CBFA2T2: variants seen among roughly 807,000 people sequenced by gnomAD.
The protein encoded by CBFA2T2 is protein CBFA2T2.
In CBFA2T2, 11 loss-of-function variants were observed where a neutral mutation model predicts 62.2. The observed-to-expected ratio is 0.18, with a 90% CI of 0.11 to 0.29. CBFA2T2 has a LOEUF of 0.29. Among genes scored for constraint, CBFA2T2 ranks in the 10% least tolerant of loss-of-function variants. CBFA2T2 has a pLI of 1.00. For synonymous variants in CBFA2T2, 295 were observed against 287.5 expected (o/e 1.03, Z -0.27); for missense variants, 592 against 774.1 (o/e 0.76, Z 2.79).
intron 8 of CBFA2T2, 97 bp downstream of exon 8, chr20:33,630,011 G>A: frequency 1.9e-6 from 2 of 1,077,400 alleles, no homozygotes; most frequent in Non-Finnish European, 2.6e-6. Context: ...TTTAAAGAAA[G>A]GTGGTACTCA....
At chr20:33,640,271 C>G (rs1418207736) in intron 9 of CBFA2T2, 70 bp from the exon 10 acceptor site, 1 of 1,404,708 alleles carries the variant, frequency 7.1e-7, no homozygotes, top group Non-Finnish European at 9.8e-7. Context: ...TCTCTCCTTA[C>G]TTAGAATTGC....
intron 1 of CBFA2T2, among the ~76,000 whole-genome samples, chr20:33,566,356 A>G (rs1229435070): frequency 6.6e-6 from 1 of 152,194 alleles, no homozygotes; most frequent in African/African-American, 2.4e-5. Flanking sequence ...CTGTAATCCC[A>G]GCACTTTGGG....
intron 1 of CBFA2T2, among the ~76,000 whole-genome samples, chr20:33,596,022 C>T (rs1433584119): frequency 6.6e-6 from 1 of 152,182 alleles, no homozygotes; most frequent in South Asian, 2.1e-4. Flanking sequence ...TCCACAATAG[C>T]CTACCTTTGA....
At chr20:33,609,710 T>C (rs1373187289) in intron 2 of CBFA2T2, among the ~76,000 whole-genome samples, 1 of 152,162 alleles carries the variant, frequency 6.6e-6, no homozygotes, top group African/African-American at 2.4e-5. Context: ...ACAGAGATGG[T>C]TAACTGACTG....
intron 1 of CBFA2T2, among the ~76,000 whole-genome samples, chr20:33,529,774 TA>T (rs2011999786): frequency 7.1e-6 from 1 of 141,310 alleles, no homozygotes; most frequent in Non-Finnish European, 1.5e-5. Flanking sequence ...TATATATATA[TA>T]TATATATTTC....
intron 1 of CBFA2T2, among the ~76,000 whole-genome samples, chr20:33,556,667 T>C (rs1233752191): frequency 2.6e-5 from 4 of 152,136 alleles, no homozygotes; most frequent in Admixed American, 6.5e-5. Flanking sequence ...ACTCCTGGCC[T>C]AAAGTGATTG....
chr20:33,636,990 T>G (rs1037794625), intron 9 of CBFA2T2, among the ~76,000 whole-genome samples: 1 of 152,218 alleles, frequency 6.6e-6, no homozygotes, highest in Non-Finnish European at 1.5e-5. Context: ...TGACATGTCC[T>G]GTTTCTGGGC....
At chr20:33,550,426 C>G (rs929295306) in intron 1 of CBFA2T2, among the ~76,000 whole-genome samples, 1 of 152,122 alleles carries the variant, frequency 6.6e-6, no homozygotes, top group African/African-American at 2.4e-5. Flanking sequence ...TGGATTCTTT[C>G]TAAGCTAATG....
chr20:33,621,398 G>C (rs536203456), intron 4 of CBFA2T2, among the ~76,000 whole-genome samples: 21 of 144,096 alleles, frequency 1.5e-4, no homozygotes, highest in African/African-American at 5.4e-4. Flanking sequence ...CCGAGTTCAA[G>C]CGATTCTTCT....
At chr20:33,559,372 C>T (rs2013017220) in intron 1 of CBFA2T2, among the ~76,000 whole-genome samples, 1 of 151,946 alleles carries the variant, frequency 6.6e-6, no homozygotes, top group Non-Finnish European at 1.5e-5. Context: ...GAGAGTTTCA[C>T]TATCTTGGCC....
chr20:33,572,674 A>G (rs1489635549), intron 1 of CBFA2T2, among the ~76,000 whole-genome samples: 7 of 152,212 alleles, frequency 4.6e-5, no homozygotes, highest in Non-Finnish European at 7.3e-5. Flanking sequence ...TGGCCGATGT[A>G]GATATAATGT....
intron 1 of CBFA2T2, among the ~76,000 whole-genome samples, chr20:33,520,970 TCACACA>T (rs143080667): frequency 1.3e-4 from 18 of 137,024 alleles, no homozygotes; most frequent in African/African-American, 2.4e-4. Flanking sequence ...TCACCTGCCA[TCACACA>T]CACACACACA....
chr20:33,644,692 G>A lies in CBFA2T2; in HGVS notation c.*46G>A, dbSNP rs147155809. ...TGATGGCTGCTCAGCACCACAGAGT[G>A]CTTGGGCTGAGGGACTGACTGTTGG... is the stretch of plus-strand genomic sequence containing the variant. On this transcript the variant is annotated 3_prime_UTR_variant, in exon 11 of 11. Transcript: ENST00000342704. 6.1e-4 allele frequency: 938 copies of A among 1,540,816 alleles called. 7 individuals are homozygous for A. The African/African-American group carries it at 0.011, about 19-fold the overall frequency.
Position 33,575,708 on chromosome 20 carries a change from CACAG to C in CBFA2T2, c.35-31239_35-31236del, listed in dbSNP as rs776884072. ...ATAAGAGTGAAGAGCTCAAGGAACT[CACAG>C]ACAGACAGGCACAGAAACAAATCAC... On this transcript the variant is annotated intron_variant, in intron 1 of 10. Transcript: ENST00000342704. 1.1e-4 allele frequency among the ~76,000 whole-genome samples: 17 copies of C among 152,176 alleles called. No homozygotes were observed. The East Asian group carries it at 1.5e-3, about 14-fold the overall frequency.
chr20:33,624,335 T>TA (rs2016131666), intron 5 of CBFA2T2, among the ~76,000 whole-genome samples: 1 of 149,448 alleles, frequency 6.7e-6, no homozygotes, highest in African/African-American at 2.5e-5. Context: ...TTGACTGGCT[T>TA]TAAAAAAAAA....
intron 4 of CBFA2T2, among the ~76,000 whole-genome samples, chr20:33,622,603 C>G (rs2016033244): frequency 6.6e-6 from 1 of 152,186 alleles, no homozygotes; most frequent in South Asian, 2.1e-4. Flanking sequence ...TTTTACATCA[C>G]TCCCAGTGCT....
chr20:33,504,655 G>T (rs1451396156), intron 1 of CBFA2T2, among the ~76,000 whole-genome samples: 1 of 151,904 alleles, frequency 6.6e-6, no homozygotes. Flanking sequence ...CACCCACCTT[G>T]GCCTCCAAAA....
Position 33,646,930 on chromosome 20 carries a change from G to A in CBFA2T2, c.*2284G>A, listed in dbSNP as rs1000118445. The A allele has an allele frequency of 6.6e-6, 1 of 151,362 alleles. No homozygotes were observed. The highest frequency in any genetic ancestry group is 1.5e-5 in the Non-Finnish European group (1 of 67,958). 9.4% of individuals were successfully genotyped at this position (151,362 alleles called of 1,614,324 possible). ...AATTTACTCTAACCAAGCATTTTCAGTCTTACAAAGAAATCTAGTGCACGA... is the reference window on the plus strand; with the variant it reads ...AATTTACTCTAACCAAGCATTTTCAATCTTACAAAGAAATCTAGTGCACGA... On this transcript the variant is annotated 3_prime_UTR_variant, in exon 11 of 11. Transcript: ENST00000342704.
intron 9 of CBFA2T2, among the ~76,000 whole-genome samples, chr20:33,638,464 T>C (rs983826686): frequency 2.6e-5 from 4 of 152,188 alleles, no homozygotes; most frequent in African/African-American, 9.7e-5. Context: ...TGATTATTAA[T>C]TCATGCTTAA....
Sources: gnomAD v4.1 joint callset for allele counts (sites outside exome capture counted in the v4.1 genomes callset) on GRCh38, gnomAD v4.1.1 for gene constraint, MANE v1.5 for transcripts, NCBI Gene and HGNC (gene_info 2026-07-23, HGNC 2026-07-21) for gene names.